Variants in DOK7 observed in about 807,000 individuals in gnomAD.
DOK7 encodes the protein protein Dok-7.
A neutral mutation model predicts 30.7 loss-of-function variants in DOK7; 32 were observed. The ratio of observed to expected loss-of-function variants is 1.04; its 90% CI spans 0.79 to 1.40. The LOEUF (loss-of-function observed/expected upper bound fraction) is 1.40, where lower values mean the gene tolerates loss of function less well. Among genes scored for constraint, DOK7 ranks in the 40% most tolerant of loss-of-function variants. DOK7 has a pLI of 0.00. For missense variants in DOK7, 1,007 were observed against 699.2 expected (o/e 1.44, Z -4.97); for synonymous variants, 447 against 324.1 (o/e 1.38, Z -4.07).
chr4:3,491,460 C>CA, intron 6 of DOK7, among the ~76,000 whole-genome samples: 2 of 142,442 alleles, frequency 1.4e-5, no homozygotes, highest in East Asian at 4.2e-4. Flanking sequence ...TCTCCCTACT[C>CA]AATTTCTCTC....
At chr4:3,463,469 C>A (rs1353170457) in intron 1 of DOK7, 37 bp from the exon 2 acceptor site, 3 of 1,354,250 alleles carry the variant, frequency 2.2e-6, no homozygotes, top group Non-Finnish European at 1.9e-6. Context: ...GGGGCGCGGG[C>A]GCGGGCGGCG....
rs71180187 is a variant in DOK7 at position 3,463,450 on chromosome 4, C to CGG, written c.54+32_54+33dup. The CGG allele has an allele frequency of 3.8e-3, 4,647 of 1,227,438 alleles. 2 individuals are homozygous for CGG. The highest frequency in any genetic ancestry group is 7.5e-3 in the East Asian group (220 of 29,206). The allele number at this position is 1,227,438 out of a possible 1,614,324, so 76.0% of individuals were successfully genotyped here. On this transcript the variant is annotated intron_variant, in intron 1 of 6. Transcript: ENST00000340083. ...AGAAGGTCGGGGCGCGTCGGGGGCGCGGGGGGGGGGGGCGCGGGCGCGGGC... is the reference window on the plus strand; with the variant it reads ...AGAAGGTCGGGGCGCGTCGGGGGCGCGGGGGGGGGGGGGGCGCGGGCGCGGGC...
intron 6 of DOK7, among the ~76,000 whole-genome samples, chr4:3,490,463 CT>C (rs1560227045): frequency 1.5e-4 from 17 of 116,980 alleles, no homozygotes; most frequent in South Asian, 5.9e-4. Context: ...TCATTCATTC[CT>C]TTCTTCTCCC....
At chr4:3,486,626 C>T (rs1727811702) in intron 5 of DOK7, among the ~76,000 whole-genome samples, 1 of 152,212 alleles carries the variant, frequency 6.6e-6, no homozygotes, top group Non-Finnish European at 1.5e-5. Flanking sequence ...ATGGCCAGCG[C>T]CCTCCCCGCT....
chr4:3,476,270 C>G, intron 3 of DOK7, 72 bp from the exon 4 acceptor site: 1 of 1,030,446 alleles, frequency 9.7e-7, no homozygotes, highest in Non-Finnish European at 1.3e-6. Context: ...GTGATGCCCT[C>G]TCACCCCACC....
intron 2 of DOK7, among the ~76,000 whole-genome samples, chr4:3,469,380 C>A (rs887350090): frequency 6.6e-6 from 1 of 152,194 alleles, no homozygotes; most frequent in South Asian, 2.1e-4. Context: ...TCTGCAAAAG[C>A]CTTCCCTGGC....
intron 5 of DOK7, among the ~76,000 whole-genome samples, chr4:3,489,064 G>C (rs1245987176): frequency 2.6e-5 from 4 of 152,204 alleles, no homozygotes; most frequent in African/African-American, 7.2e-5. Context: ...AGTCGCAGAG[G>C]ACACATGGAC....
At chr4:3,499,104 C>T (rs1056923666), downstream of DOK7, among the ~76,000 whole-genome samples, 4 of 152,214 alleles carry the variant, frequency 2.6e-5, no homozygotes, top group African/African-American at 4.8e-5. Context: ...TGCCGGGCAG[C>T]GGGTGGCCAC....
In DOK7 at chr4:3,493,256, G is replaced by A. The variant is rs766717046; in HGVS notation, c.1270G>A (p.Gly424Ser). The A allele has an allele frequency of 1.2e-6, 2 of 1,611,578 alleles. No individual in the cohort carries two copies. Among genetic ancestry groups the A allele is most frequent in the African/African-American group, 2.7e-5 (2 of 74,918 alleles). The change falls in exon 7 of 7, where the codon GGC becomes AGC. Residue 424 changes from glycine (G) to serine (S), a missense_variant. By Grantham distance (56) the Gly-to-Ser change is moderately conservative (BLOSUM62 0). Transcript: ENST00000340083. The stretch of plus-strand genomic sequence containing the variant: ...TAGAGACCACAGCCCCCCCTCACAG[G>A]GCAGCCCCGGCAACAGTGCGGCCAG... Reference protein sequence around the residue: ...APRDHSPPSQGSPGNSAARDS... With the variant: ...APRDHSPPSQSSPGNSAARDS...
rs747942116 is a variant in DOK7, at chr4:3,476,422, C to A, written c.412C>A (p.Leu138Ile). The A allele has an allele frequency of 8.7e-6, 14 of 1,613,402 alleles. No individual in the cohort carries two copies. The highest frequency in any genetic ancestry group is 1.3e-5 in the African/African-American group (1 of 74,864). The change falls in exon 4 of 7, where the codon CTC becomes ATC. Residue 138 changes from leucine (L) to isoleucine (I), a missense_variant. Coordinates refer to ENST00000340083, the MANE Select transcript of DOK7 (RefSeq NM_173660.5). ...PATLHLCNDV[L>I]VLARDIPPAV... ...TACCCTGCACCTCTGCAATGATGTC[C>A]TCGTCTTGGCCAGGGACATCCCCCC...
rs147760280 is a variant in DOK7 at position 3,485,647 on chromosome 4, C to T, written c.641C>T (p.Pro214Leu). The change falls in exon 5 of 7, where the codon CCG (proline) becomes CTG (leucine). Residue 214 changes from proline to leucine, a missense_variant. Transcript: ENST00000340083. Reference sequence around the variant, plus strand: ...ACCAAGGGCCCCTTTGGGCTGCGGCCGGTTCTACCAGGTGCGTGTGGGAGC... The same window carrying T: ...ACCAAGGGCCCCTTTGGGCTGCGGCTGGTTCTACCAGGTGCGTGTGGGAGC... ...SPTKGPFGLR[P>L]VLPDPSPPGP... The T allele has an allele frequency of 1.8e-4, 288 of 1,598,910 alleles. 1 individual carries two copies. In the African/African-American group the frequency reaches 3.1e-3, roughly 17 times the overall value.
At chr4:3,482,972 T>C (rs1727524385) in intron 4 of DOK7, among the ~76,000 whole-genome samples, 1 of 150,950 alleles carries the variant, frequency 6.6e-6, no homozygotes, top group African/African-American at 2.4e-5. Context: ...GTCAGGGGAC[T>C]GAAGGGGGCC....
chr4:3,466,072 G>T (rs1315838801), intron 2 of DOK7, among the ~76,000 whole-genome samples: 1 of 152,200 alleles, frequency 6.6e-6, no homozygotes, highest in African/African-American at 2.4e-5. Context: ...CACCGGGAGG[G>T]CCCGAGTCCT....
At chr4:3,484,248 G>A (rs946976426) in intron 4 of DOK7, among the ~76,000 whole-genome samples, 4 of 152,238 alleles carry the variant, frequency 2.6e-5, no homozygotes, top group Non-Finnish European at 5.9e-5. Context: ...GCTCGCCCTC[G>A]TGTGCCCGGG....
rs79063654 is a variant in DOK7 at position 3,492,890 on chromosome 4, G to A, written c.904G>A (p.Ala302Thr). 1.3e-6 allele frequency: 2 copies of A among 1,596,384 alleles called. No homozygotes were observed. Among genetic ancestry groups the A allele is most frequent in the East Asian group, 2.3e-5 (1 of 43,904 alleles). ...CACGTCACAGGAGGGGCCTAGACCA[G>A]CAGCTGCCCAGGCCGCCGGGGAAGC... ...ASTSQEGPRP[A>T]AAQAAGEAMV... The change falls in exon 7 of 7, where the codon GCA becomes ACA. Residue 302 changes from alanine to threonine, a missense_variant. Transcript: ENST00000340083.
intron 3 of DOK7, among the ~76,000 whole-genome samples, chr4:3,474,810 G>A (rs1881802): frequency 0.85 from 129,031 of 151,794 alleles, 55,359 homozygotes; most frequent in African/African-American, 0.96. Flanking sequence ...CAACAGAGTA[G>A]GACTCCATCT....
intron 6 of DOK7, 47 bp downstream of exon 6, chr4:3,489,843 C>A: frequency 6.4e-7 from 1 of 1,554,200 alleles, no homozygotes; most frequent in East Asian, 2.4e-5. Context: ...GCTAAGCCTC[C>A]AGCAGGAGAG....
downstream of DOK7, chr4:3,494,614 A>G (rs1256476071): frequency 2.4e-6 from 2 of 817,374 alleles, no homozygotes; most frequent in African/African-American, 1.9e-5. Context: ...GAGAGGCCTC[A>G]TCTGTCTTGT....
chr4:3,489,277 C>G (rs1196801135), intron 5 of DOK7, among the ~76,000 whole-genome samples: 1 of 152,120 alleles, frequency 6.6e-6, no homozygotes, highest in Non-Finnish European at 1.5e-5. Context: ...GAAATGGGCA[C>G]CGTGAATGAG....
Sources: allele counts gnomAD v4.1 joint callset (sites outside exome capture counted in the v4.1 genomes callset), GRCh38; gene constraint gnomAD v4.1.1; transcripts MANE v1.5; gene names NCBI Gene and HGNC (gene_info 2026-07-23, HGNC 2026-07-21).